Variants in CLDN16 observed in about 807,000 individuals in gnomAD.
CLDN16 encodes claudin-16.
In CLDN16, 13 loss-of-function variants were observed where a neutral mutation model predicts 24.6. The ratio of observed to expected loss-of-function variants is 0.53; its 90% CI spans 0.34 to 0.84. CLDN16 has a LOEUF of 0.84. CLDN16 is among the 40% of genes least tolerant of loss of function. The pLI is 0.01. For synonymous variants in CLDN16, 116 were observed against 106.7 expected (o/e 1.09, Z -0.54); for missense variants, 298 against 292.7 (o/e 1.02, Z -0.13).
chr3:190,384,867 T>C (rs561810230), upstream of CLDN16, among the ~76,000 whole-genome samples: 1 of 152,148 alleles, frequency 6.6e-6, no homozygotes, highest in African/African-American at 2.4e-5. Context: ...TATCTGAAAA[T>C]ATTTTGTAAA....
the CLDN16 span, among the ~76,000 whole-genome samples, chr3:190,299,206 A>G: frequency 6.6e-6 from 1 of 152,152 alleles, no homozygotes; most frequent in Non-Finnish European, 1.5e-5. Context: ...AAGATTGAGC[A>G]TATTTTCACA....
At chr3:190,309,150 T>A in the CLDN16 span, among the ~76,000 whole-genome samples, 2 of 152,192 alleles carry the variant, frequency 1.3e-5, no homozygotes, top group Admixed American at 6.6e-5. Flanking sequence ...CAGTTTCTCC[T>A]ACTCTCAAAG....
At chr3:190,401,693 T>A (rs1322622741) in intron 1 of CLDN16, among the ~76,000 whole-genome samples, 3 of 152,218 alleles carry the variant, frequency 2.0e-5, no homozygotes, top group Non-Finnish European at 4.4e-5. Context: ...TTGTATGAAA[T>A]TAATGCTCAA....
At chr3:190,330,090 A>G (rs926438833) in intron 1 of CLDN16, among the ~76,000 whole-genome samples, 2 of 152,180 alleles carry the variant, frequency 1.3e-5, no homozygotes, top group African/African-American at 4.8e-5. Flanking sequence ...ACAAGATTAT[A>G]TGCAATTTCA....
Position 190,402,207 on chromosome 3 carries a change from T to C in CLDN16, c.115-130T>C, listed in dbSNP as rs1039315168. On this transcript the variant is annotated intron_variant, in intron 1 of 4. Coordinates refer to ENST00000264734, the MANE Select transcript of CLDN16 (RefSeq NM_006580.4). Reference sequence around the variant, plus strand: ...TCTAATACGCATTGTTTGTTGTAAATGAAGTTCTGATCACATGTGTAACCA... The same window carrying C: ...TCTAATACGCATTGTTTGTTGTAAACGAAGTTCTGATCACATGTGTAACCA... The C allele has an allele frequency of 1.1e-5, 8 of 752,418 alleles. No homozygotes were observed. The African/African-American group carries it at 1.4e-4, about 13-fold the overall frequency. 46.6% of individuals were successfully genotyped at this position (752,418 alleles called of 1,614,324 possible).
In CLDN16 at chr3:190,390,065, A is replaced by G. The variant is rs116661540; in HGVS notation, c.114+1622A>G. Among the ~76,000 whole-genome samples, 737 of 152,282 alleles carry G rather than the reference A, an allele frequency of 4.8e-3. 6 individuals are homozygous for G. The highest frequency in any genetic ancestry group is 0.017 in the African/African-American group (702 of 41,546). On this transcript the variant is annotated intron_variant, in intron 1 of 4. Coordinates refer to ENST00000264734, the MANE Select transcript of CLDN16 (RefSeq NM_006580.4). Reference sequence around the variant, plus strand: ...TCTTTCATTTTAGTATAACCAACCAATTTGCCATCTGTCCCATGAAAGAAT... The same window carrying G: ...TCTTTCATTTTAGTATAACCAACCAGTTTGCCATCTGTCCCATGAAAGAAT...
chr3:190,307,779 A>T, the CLDN16 span: 1 of 153,206 alleles, frequency 6.5e-6, no homozygotes, highest in African/African-American at 2.4e-5. Context: ...AAGGCACCCA[A>T]AGCTAATGAA....
chr3:190,308,519 A>G, the CLDN16 span: 38 of 1,310,282 alleles, frequency 2.9e-5, no homozygotes, highest in Non-Finnish European at 4.0e-5. Flanking sequence ...AAAAAAATCA[A>G]TACTCATTGT....
chr3:190,408,508 A>T lies in CLDN16; in HGVS notation c.574+3A>T. ...CTGCTGCTTATATCTTTTTAAAGGT[A>T]AGAATAAAATAAAATAGCAAATTTC... On this transcript the variant is annotated splice_donor_region_variant and intron_variant, in intron 4 of 4. Coordinates refer to ENST00000264734, the MANE Select transcript of CLDN16 (RefSeq NM_006580.4). The T allele has an allele frequency of 6.2e-7, 1 of 1,613,484 alleles. No homozygotes were observed. Among genetic ancestry groups the T allele is most frequent in the Non-Finnish European group, 8.5e-7 (1 of 1,179,530 alleles).
At chr3:190,324,610 C>T (rs771434270) in intron 1 of CLDN16, among the ~76,000 whole-genome samples, 27 of 152,140 alleles carry the variant, frequency 1.8e-4, no homozygotes, top group Admixed American at 3.9e-4. Context: ...AGCGGGGAAT[C>T]GGAGGGATGA....
At chr3:190,395,931 T>C (rs1718808782) in intron 1 of CLDN16, among the ~76,000 whole-genome samples, 1 of 152,068 alleles carries the variant, frequency 6.6e-6, no homozygotes. Context: ...ACAGACATAA[T>C]TTCCTATGTT....
Position 190,399,367 on chromosome 3 carries a change from C to T in CLDN16, c.115-2970C>T, listed in dbSNP as rs144153045. Among the ~76,000 whole-genome samples the T allele has an allele frequency of 1.1e-3, 162 of 152,098 alleles. 1 individual carries two copies. Among genetic ancestry groups the T allele is most frequent in the African/African-American group, 3.7e-3 (153 of 41,492 alleles). On this transcript the variant is annotated intron_variant, in intron 1 of 4. Coordinates refer to ENST00000264734, the MANE Select transcript of CLDN16 (RefSeq NM_006580.4). The stretch of plus-strand genomic sequence containing the variant: ...AAAAATACTTAAAAAAAAAAAGTAG[C>T]CTGGCGTGGTGGCGCATGCCTGTAA...
At position 190,402,396 on chromosome 3, in the gene CLDN16, T is replaced by C. The variant is rs773141087; in HGVS notation, c.174T>C (p.Ile58=). 5.6e-6 allele frequency: 9 copies of C among 1,613,968 alleles called. No homozygotes were observed. Among genetic ancestry groups the C allele is most frequent in the Middle Eastern group, 1.6e-4 (1 of 6,084 alleles). ...GCGTCACAAATGCTTTTGATGGGAT[T>C]CGCACCTGTGATGAGTACGATTCCA... ...WECVTNAFDG[I]RTCDEYDSIL... The change falls in exon 2 of 5, where the codon ATT becomes ATC. Residue 58 remains isoleucine, a synonymous_variant. Coordinates refer to ENST00000264734, the MANE Select transcript of CLDN16 (RefSeq NM_006580.4).
intron 1 of CLDN16, among the ~76,000 whole-genome samples, chr3:190,368,092 C>T (rs908029851): frequency 2.6e-5 from 4 of 151,930 alleles, no homozygotes; most frequent in African/African-American, 9.7e-5. Context: ...GATGTCTGTC[C>T]TCTTTTGGTA....
At chr3:190,319,525 T>G (rs534884989), upstream of CLDN16, among the ~76,000 whole-genome samples, 1 of 152,344 alleles carries the variant, frequency 6.6e-6, no homozygotes, top group South Asian at 2.1e-4. Context: ...AGATACTTTA[T>G]GAAGGTCATA....
chr3:190,409,346 C>T (rs1009186726), intron 4 of CLDN16, among the ~76,000 whole-genome samples: 1 of 150,474 alleles, frequency 6.6e-6, no homozygotes, highest in African/African-American at 2.4e-5. Flanking sequence ...TAGAATTATA[C>T]ATATATGTGT....
chr3:190,297,048 A>AT, the CLDN16 span, among the ~76,000 whole-genome samples: 12 of 152,106 alleles, frequency 7.9e-5, 1 homozygote, highest in South Asian at 2.5e-3. Context: ...TCTTTATACC[A>AT]TTTCTGTTTG....
At chr3:190,360,175 T>C (rs1232511702) in intron 1 of CLDN16, among the ~76,000 whole-genome samples, 1 of 151,938 alleles carries the variant, frequency 6.6e-6, no homozygotes, top group Non-Finnish European at 1.5e-5. Context: ...CAACAAACAG[T>C]AGAGGTCTAG....
At chr3:190,308,470 C>T in the CLDN16 span, 1 of 1,609,826 alleles carries the variant, frequency 6.2e-7, no homozygotes, top group Non-Finnish European at 8.5e-7. Flanking sequence ...GCTTGTTAAT[C>T]AGTGAATTAT....
Sources: gnomAD v4.1 joint callset for allele counts (sites outside exome capture counted in the v4.1 genomes callset) on GRCh38, gnomAD v4.1.1 for gene constraint, MANE v1.5 for transcripts, NCBI Gene and HGNC (gene_info 2026-07-23, HGNC 2026-07-21) for gene names.